SYNE1: variants seen among roughly 807,000 people sequenced by gnomAD.
SYNE1 encodes spectrin repeat containing nuclear envelope protein 1, also known as nesprin-1.
In SYNE1, 616 loss-of-function variants were observed where a neutral mutation model predicts 1,111.0. That is an observed-to-expected ratio of 0.55 (90% CI 0.52 to 0.59). The LOEUF (loss-of-function observed/expected upper bound fraction) is 0.59, where lower values mean the gene tolerates loss of function less well. SYNE1 is among the 20% of genes least tolerant of loss of function. SYNE1 has a pLI of 0.00. For missense variants in SYNE1, 10,006 were observed against 10,417.0 expected, an observed-to-expected ratio of 0.96 and a Z score of 1.72; for synonymous variants, 3,855 against 3,825.8, an observed-to-expected ratio of 1.01 and a Z score of -0.28.
intron 78 of SYNE1, among the ~76,000 whole-genome samples, chr6:152,328,312 A>G (rs937544669): frequency 1.1e-4 from 16 of 152,166 alleles, no homozygotes; most frequent in Non-Finnish European, 1.8e-4. Flanking sequence ...AAAGACAGAC[A>G]TGGAGAAAAT....
intron 3 of SYNE1, among the ~76,000 whole-genome samples, chr6:152,551,773 G>A (rs1026952503): frequency 6.6e-6 from 1 of 152,102 alleles, no homozygotes; most frequent in African/African-American, 2.4e-5. Context: ...TACATATAAA[G>A]GTGCATGTTA....
chr6:152,261,741 A>T (rs2092023888), intron 101 of SYNE1, among the ~76,000 whole-genome samples: 1 of 152,202 alleles, frequency 6.6e-6, no homozygotes, highest in Non-Finnish European at 1.5e-5. Context: ...CAAAACACAC[A>T]CAAAAAGAGG....
At chr6:152,505,765 GA>G (rs1187477244) in intron 8 of SYNE1, among the ~76,000 whole-genome samples, 2 of 152,086 alleles carry the variant, frequency 1.3e-5, no homozygotes, top group African/African-American at 2.4e-5. Flanking sequence ...AAAAATGTCT[GA>G]AAAAATTTTA....
At chr6:152,349,364 T>A (rs988507291) in intron 72 of SYNE1, among the ~76,000 whole-genome samples, 1 of 152,250 alleles carries the variant, frequency 6.6e-6, no homozygotes. Context: ...ACAAATATTA[T>A]CTCCTGTGAT....
chr6:152,632,299 C>A (rs1760169601), intron 2 of SYNE1, among the ~76,000 whole-genome samples: 1 of 152,136 alleles, frequency 6.6e-6, no homozygotes, highest in Non-Finnish European at 1.5e-5. Context: ...AAACCTCTTC[C>A]TCTTCAATGC....
intron 3 of SYNE1, among the ~76,000 whole-genome samples, chr6:152,551,102 T>C (rs1375620756): frequency 1.3e-5 from 2 of 152,194 alleles, no homozygotes; most frequent in African/African-American, 4.8e-5. Flanking sequence ...CCTTCCTCTA[T>C]TTGTGGATAT....
intron 4 of SYNE1, among the ~76,000 whole-genome samples, chr6:152,534,588 C>A (rs866031960): frequency 6.6e-6 from 1 of 152,116 alleles, no homozygotes; most frequent in Non-Finnish European, 1.5e-5. Flanking sequence ...ATCATCTCAC[C>A]TACTTATTGT....
In SYNE1 at chr6:152,358,522, A is replaced by C; in HGVS notation, c.10459T>G (p.Ser3487Ala). ...QERAKEAVTK[S>A]EKLVRLHQEY... is the part of the protein sequence containing the mutation. ...TGGTGCAGGCGGACAAGTTTTTCAG[A>C]CTTGGTTACGGCTTCCTATAATTAG... is the stretch of plus-strand genomic sequence containing the variant. The change falls in exon 66 of 146, where the codon TCT becomes GCT. Residue 3487 changes from serine to alanine, a missense_variant. Ser to Ala is a moderately conservative substitution (Grantham distance 99). Around this residue, in one of 7 missense-constraint regions of SYNE1, gnomAD observed 4,955 missense variants for 5,017.2 expected, o/e 0.99. Coordinates refer to ENST00000367255, the MANE Select transcript of SYNE1 (RefSeq NM_182961.4). 2 of 1,614,160 alleles carry C rather than the reference A, an allele frequency of 1.2e-6. No homozygotes were observed. The highest frequency in any genetic ancestry group is 4.5e-5 in the East Asian group (2 of 44,880).
chr6:152,559,657 T>A (rs2128215522), intron 3 of SYNE1, among the ~76,000 whole-genome samples: 1 of 152,252 alleles, frequency 6.6e-6, no homozygotes, highest in South Asian at 2.1e-4. Flanking sequence ...TGGTTTATAG[T>A]AATAAATGCC....
At chr6:152,164,403 T>A in intron 130 of SYNE1, 78 bp from the exon 131 acceptor site, 1 of 1,552,614 alleles carries the variant, frequency 6.4e-7, no homozygotes, top group East Asian at 2.2e-5. Context: ...AGGAGAACAC[T>A]GGGCTTTAAC....
intron 145 of SYNE1, chr6:152,129,683 G>A (rs1242702411): frequency 4.6e-5 from 7 of 151,728 alleles, no homozygotes; most frequent in East Asian, 1.9e-4. Flanking sequence ...GACTTCAGCC[G>A]AGTGGGAAGG....
chr6:152,250,582 G>T (rs2088888300), intron 104 of SYNE1, among the ~76,000 whole-genome samples: 1 of 152,174 alleles, frequency 6.6e-6, no homozygotes, highest in Non-Finnish European at 1.5e-5. Context: ...ATGAGAACTA[G>T]AATAGTTGCC....
intron 99 of SYNE1, 74 bp downstream of exon 99, chr6:152,269,081 T>A (rs536664772): frequency 6.2e-7 from 1 of 1,608,922 alleles, no homozygotes; most frequent in Admixed American, 1.7e-5. Context: ...AACTTGTCTG[T>A]CCTTCTGAAA....
At chr6:152,280,287 A>G (rs993149575) in intron 97 of SYNE1, among the ~76,000 whole-genome samples, 1 of 152,242 alleles carries the variant, frequency 6.6e-6, no homozygotes, top group Non-Finnish European at 1.5e-5. Context: ...TTAGATTTTT[A>G]AAAACTATTT....
intron 110 of SYNE1, among the ~76,000 whole-genome samples, chr6:152,235,205 T>G (rs984422981): frequency 6.6e-6 from 1 of 152,162 alleles, no homozygotes; most frequent in Admixed American, 6.5e-5. Flanking sequence ...ATGTTTTCTC[T>G]TTCTCTCCCT....
chr6:152,382,240 T>A (rs979368694), intron 55 of SYNE1, among the ~76,000 whole-genome samples: 1 of 152,210 alleles, frequency 6.6e-6, no homozygotes, highest in Non-Finnish European at 1.5e-5. Flanking sequence ...TTGTTAATAT[T>A]ATTACAAAAT....
intron 8 of SYNE1, among the ~76,000 whole-genome samples, chr6:152,506,263 T>A (rs1343839947): frequency 1.3e-5 from 2 of 152,014 alleles, no homozygotes; most frequent in Non-Finnish European, 2.9e-5. Flanking sequence ...GAAAACAGAG[T>A]TGTAAAGATG....
At chr6:152,125,948 G>A (rs2053263655) in intron 145 of SYNE1, 1 of 152,362 alleles carries the variant, frequency 6.6e-6, no homozygotes, top group Admixed American at 6.5e-5. Context: ...CTTTGCAAAT[G>A]AGAAAACTGA....
chr6:152,502,609 T>C lies in SYNE1; in HGVS notation c.888+24A>G, dbSNP rs2099035779. 1.9e-6 allele frequency: 3 copies of C among 1,543,856 alleles called. No individual in the cohort carries two copies. In the East Asian group the frequency reaches 6.7e-5, roughly 35 times the overall value. ...TCACTGTCATTGCATATACCAGTGA[T>C]ACTTGAAGAAAGCAAATACCTACAT... On this transcript the variant is annotated intron_variant, in intron 10 of 145. Transcript: ENST00000367255.
Sources: gnomAD v4.1 joint callset for allele counts (sites outside exome capture counted in the v4.1 genomes callset) on GRCh38, gnomAD v4.1.1 for gene constraint, gnomAD v4.1.1 regional missense constraint, MANE v1.5 for transcripts, NCBI Gene and HGNC (gene_info 2026-07-23, HGNC 2026-07-21) for gene names.